DNAI4: variants seen among roughly 807,000 people sequenced by gnomAD.
DNAI4 encodes dynein axonemal intermediate chain 4.
DNAI4 carries 85 observed loss-of-function variants against 105.8 expected under a neutral mutation model. That is an observed-to-expected ratio of 0.80 (90% confidence interval 0.67 to 0.96). The LOEUF (loss-of-function observed/expected upper bound fraction) is 0.96. Ranked by LOEUF, DNAI4 falls within the 40% of genes least tolerant of loss-of-function variation. DNAI4 has a pLI of 0.00. For synonymous variants in DNAI4, 352 were observed against 331.5 expected (o/e 1.06, Z -0.67); for missense variants, 1,014 against 1,005.6 (o/e 1.01, Z -0.11).
At chr1:66,904,798 T>C (rs1261079690) in intron 2 of DNAI4, 2 of 171,030 alleles carry the variant, frequency 1.2e-5, no homozygotes, top group Non-Finnish European at 2.5e-5. Context: ...ATATAATCAT[T>C]TGATTAAAAG....
At chr1:66,903,261 T>A (rs1648972419) in intron 2 of DNAI4, among the ~76,000 whole-genome samples, 1 of 152,202 alleles carries the variant, frequency 6.6e-6, no homozygotes, top group Non-Finnish European at 1.5e-5. Context: ...CCTCCTTTGT[T>A]ATGTTTATCC....
At chr1:66,904,291 G>A (rs959523405) in intron 2 of DNAI4, among the ~76,000 whole-genome samples, 3 of 152,066 alleles carry the variant, frequency 2.0e-5, no homozygotes, top group African/African-American at 7.2e-5. Context: ...TTAATAAGTT[G>A]ACAAATAATT....
intron 2 of DNAI4, among the ~76,000 whole-genome samples, chr1:66,898,019 G>T (rs2100800983): frequency 6.6e-6 from 1 of 152,294 alleles, no homozygotes; most frequent in African/African-American, 2.4e-5. Context: ...CACAGGGTCA[G>T]GGATGCCCAA....
chr1:66,901,446 CTTT>C (rs1370497796), intron 2 of DNAI4, among the ~76,000 whole-genome samples: 2 of 152,114 alleles, frequency 1.3e-5, no homozygotes, highest in African/African-American at 4.8e-5. Flanking sequence ...TTAATTTCTT[CTTT>C]AACTTACTGA....
intron 6 of DNAI4, among the ~76,000 whole-genome samples, chr1:66,866,427 A>T (rs1646735868): frequency 6.6e-6 from 1 of 152,246 alleles, no homozygotes; most frequent in South Asian, 2.1e-4. Flanking sequence ...GTTAGCAAGC[A>T]TCTAGGTTAT....
In DNAI4 at chr1:66,837,209, C is replaced by T. The variant is rs377289183; in HGVS notation, c.1581+501G>A. Among the ~76,000 whole-genome samples, 9 of 151,870 alleles carry T rather than the reference C, an allele frequency of 5.9e-5. No homozygotes were observed. The East Asian group carries it at 9.7e-4, about 16-fold the overall frequency. On this transcript the variant is annotated intron_variant, in intron 10 of 16. Transcript: ENST00000371026. ...TGAAACCCCGTCTCTATTAAAAATA[C>T]GAAAATTAGCTGGGTATGGTGGTGT... is the stretch of plus-strand genomic sequence containing the variant.
At chr1:66,907,575 G>T (rs1211944697) in intron 1 of DNAI4, among the ~76,000 whole-genome samples, 2 of 152,026 alleles carry the variant, frequency 1.3e-5, no homozygotes, top group Non-Finnish European at 2.9e-5. Context: ...AAATTCCATG[G>T]TTTCAATGAC....
chr1:66,878,796 T>C (rs937747887), intron 4 of DNAI4, among the ~76,000 whole-genome samples: 15 of 152,188 alleles, frequency 9.9e-5, no homozygotes, highest in African/African-American at 3.6e-4. Context: ...GCATGTACAA[T>C]GATTCAGAAT....
intron 1 of DNAI4, among the ~76,000 whole-genome samples, chr1:66,909,427 C>G (rs1649497598): frequency 6.6e-6 from 1 of 151,668 alleles, no homozygotes; most frequent in South Asian, 2.1e-4. Context: ...TAATAATGGT[C>G]ATTTCAATGT....
chr1:66,822,304 A>G, intron 16 of DNAI4, 57 bp downstream of exon 16: 2 of 1,420,292 alleles, frequency 1.4e-6, no homozygotes, highest in South Asian at 1.5e-5. Context: ...CATGCTACAA[A>G]AGTATAACTG....
chr1:66,827,103 C>A, intron 14 of DNAI4, 57 bp from the exon 15 acceptor site: 1 of 1,415,128 alleles, frequency 7.1e-7, no homozygotes, highest in South Asian at 1.3e-5. Flanking sequence ...TTATTTTAAA[C>A]TTGACCAGCA....
intron 4 of DNAI4, among the ~76,000 whole-genome samples, chr1:66,878,785 T>C (rs1027490717): frequency 6.6e-6 from 1 of 152,186 alleles, no homozygotes; most frequent in Non-Finnish European, 1.5e-5. Context: ...AATCCCAGTA[T>C]GCATGTACAA....
chr1:66,815,468 T>G (rs1645496582), intron 16 of DNAI4, among the ~76,000 whole-genome samples: 1 of 152,362 alleles, frequency 6.6e-6, no homozygotes. Context: ...TATTACAGAT[T>G]CGTGTTTCTA....
At position 66,833,702 on chromosome 1, in the gene DNAI4, C is replaced by A; in HGVS notation, c.1896G>T (p.Leu632Phe). The change falls in exon 13 of 17, where the codon TTG (leucine) becomes TTT (phenylalanine). Residue 632 changes from leucine (L) to phenylalanine (F), a missense_variant. By Grantham distance (22) the Leu-to-Phe change is conservative. Transcript: ENST00000371026. Reference sequence around the variant, plus strand: ...CAGCTGTAGTTCTCTTTAATCGCATCAAATCTGTATTTAAAGAAAAACATA... The same window carrying A: ...CAGCTGTAGTTCTCTTTAATCGCATAAAATCTGTATTTAAAGAAAAACATA... The part of the protein sequence containing the change: ...VIRKGLDCYD[L>F]MRLKRTTAAS... 6.2e-7 allele frequency: 1 copy of A among 1,611,780 alleles called. No homozygotes were observed.
intron 14 of DNAI4, among the ~76,000 whole-genome samples, 164 bp downstream of exon 14, chr1:66,827,648 C>T (rs936974719): frequency 6.6e-6 from 1 of 152,030 alleles, no homozygotes; most frequent in African/African-American, 2.4e-5. Flanking sequence ...AATAAAATGC[C>T]CCGTACATTA....
At chr1:66,847,906 C>A in intron 7 of DNAI4, 2 of 478,868 alleles carry the variant, frequency 4.2e-6, no homozygotes, top group Non-Finnish European at 3.7e-6. Flanking sequence ...AGAAGATAGG[C>A]AATGATAACC....
chr1:66,904,915 G>GA (rs1378176935), intron 2 of DNAI4: 1 of 363,180 alleles, frequency 2.8e-6, no homozygotes, highest in Non-Finnish European at 4.9e-6. Context: ...TGACAACAGT[G>GA]AAAGATAGTT....
At chr1:66,910,576 T>A (rs1337258072) in intron 1 of DNAI4, among the ~76,000 whole-genome samples, 1 of 152,222 alleles carries the variant, frequency 6.6e-6, no homozygotes. Flanking sequence ...CCCTAATCAC[T>A]CCATGGCCAA....
intron 8 of DNAI4, among the ~76,000 whole-genome samples, chr1:66,844,910 A>G (rs1435943781): frequency 1.3e-5 from 2 of 152,146 alleles, no homozygotes. Context: ...AAGACAATTC[A>G]GGCTGGGCAC....
Sources: allele counts gnomAD v4.1 joint callset (sites outside exome capture counted in the v4.1 genomes callset), GRCh38; gene constraint gnomAD v4.1.1; transcripts MANE v1.5; gene names NCBI Gene and HGNC (gene_info 2026-07-23, HGNC 2026-07-21).